IL18R1: variants seen among roughly 807,000 people sequenced by gnomAD.
IL18R1 encodes interleukin 18 receptor 1, also known as interleukin-18 receptor 1.
IL18R1 carries 40 observed loss-of-function variants against 48.5 expected under a neutral mutation model. That is an observed-to-expected ratio of 0.82 (90% CI 0.64 to 1.07). The LOEUF (loss-of-function observed/expected upper bound fraction) is 1.07. Among genes scored for constraint, IL18R1 ranks in the 50% least tolerant of loss-of-function variants. The pLI is 0.00. For synonymous variants in IL18R1, 232 were observed against 225.9 expected, an observed-to-expected ratio of 1.03 and a Z score of -0.24; for missense variants, 596 against 633.7, an observed-to-expected ratio of 0.94 and a Z score of 0.64.
chr2:102,360,163 T>A (rs553985034), intron 1 of IL18R1, among the ~76,000 whole-genome samples: 6 of 152,318 alleles, frequency 3.9e-5, no homozygotes, highest in Admixed American at 2.6e-4. Flanking sequence ...CATGAAGTAA[T>A]ATTAGGTGGC....
chr2:102,362,965 T>C (rs376264136), intron 2 of IL18R1: 5 of 309,618 alleles, frequency 1.6e-5, no homozygotes, highest in African/African-American at 4.3e-5. Context: ...ATCTTTATTA[T>C]TGGGTTTTAG....
At chr2:102,391,637 C>T (rs1357781416) in intron 9 of IL18R1, among the ~76,000 whole-genome samples, 1 of 152,172 alleles carries the variant, frequency 6.6e-6, no homozygotes, top group East Asian at 1.9e-4. Flanking sequence ...AAGAAGGAGA[C>T]ACAGCCATTA....
rs1454551888 is a variant in IL18R1, at chr2:102,356,219, T to C, written c.-210T>C. On this transcript the variant is annotated 5_prime_UTR_variant, in exon 1 of 11. Transcript: ENST00000233957. ...TTTCCTTCTTCTTCTTTTTTTTTTT[T>C]TTTGTAGCCCTCTCTGGGTGCCTTA... 1 of 306,476 alleles carries C rather than the reference T, an allele frequency of 3.3e-6. No homozygotes were observed. Among genetic ancestry groups the C allele is most frequent in the Non-Finnish European group, 4.8e-6 (1 of 209,272 alleles). The allele number at this position is 306,476 out of a possible 1,614,324, so 19.0% of individuals were successfully genotyped here. A position where few individuals can be genotyped will look rare whatever the true frequency, so the allele number is the denominator to read the frequency against.
intron 8 of IL18R1, among the ~76,000 whole-genome samples, chr2:102,388,630 A>G (rs907251474): frequency 4.6e-5 from 7 of 152,250 alleles, no homozygotes; most frequent in South Asian, 2.1e-4. Context: ...TGGCCAGTCA[A>G]TTCTCCTGCT....
At chr2:102,360,545 G>A (rs1230738834) in intron 1 of IL18R1, among the ~76,000 whole-genome samples, 1 of 152,186 alleles carries the variant, frequency 6.6e-6, no homozygotes, top group Admixed American at 6.5e-5. Context: ...TTACAGGCAT[G>A]AGCCACTGTG....
Position 102,396,644 on chromosome 2 carries a change from GA to G in IL18R1, c.1386del (p.Ala463HisfsTer9). ...VRYELESGLH[E>X]ALVERKIKII... Reference sequence around the variant, plus strand: ...GTATGAACTTGAAAGTGGACTCCATGAAGCATTGGTGGAAAGAAAAATTAAA... The same window carrying G: ...GTATGAACTTGAAAGTGGACTCCATGAGCATTGGTGGAAAGAAAAATTAAA... On this transcript the variant is annotated frameshift_variant, in exon 11 of 11. Transcript: ENST00000233957. LOFTEE classifies it low-confidence loss of function (END_TRUNC). The G allele has an allele frequency of 6.2e-7, 1 of 1,612,980 alleles. No homozygotes were observed.
At chr2:102,366,893 G>A (rs1310154127) in intron 2 of IL18R1, among the ~76,000 whole-genome samples, 1 of 152,122 alleles carries the variant, frequency 6.6e-6, no homozygotes. Flanking sequence ...TTTATGTTGT[G>A]GTTAACAATT....
At position 102,384,999 on chromosome 2, in the gene IL18R1, G is replaced by A; in HGVS notation, c.809+1G>A. 2.0e-6 allele frequency: 3 copies of A among 1,472,998 alleles called. No individual in the cohort carries two copies. The highest frequency in any genetic ancestry group is 1.7e-4 in the Middle Eastern group (1 of 5,842). 91.2% of individuals were successfully genotyped at this position (1,472,998 alleles called of 1,614,324 possible). On this transcript the variant is annotated splice_donor_variant, in intron 7 of 10. Transcript: ENST00000233957. LOFTEE classifies it high-confidence loss of function. The stretch of plus-strand genomic sequence containing the variant: ...ATGAAGAGAAAGAAATGAGAATTAT[G>A]TATGTATGTGTAATATATATGTCAT...
intron 6 of IL18R1, among the ~76,000 whole-genome samples, chr2:102,383,282 C>A (rs969625062): frequency 6.6e-6 from 1 of 152,120 alleles, no homozygotes; most frequent in Non-Finnish European, 1.5e-5. Flanking sequence ...TTTTATTATT[C>A]TTTAAATGTC....
In IL18R1 at chr2:102,369,076, C is replaced by A. The variant is rs146895135; in HGVS notation, c.302+1008C>A. 9.4e-3 allele frequency among the ~76,000 whole-genome samples: 1,434 copies of A among 152,088 alleles called. 16 individuals carry two copies. The highest frequency in any genetic ancestry group is 0.013 in the Non-Finnish European group (889 of 67,982). ...AAAAATCAGTACATCTTTAGATGAC[C>A]TTTTAAGAGTGATAATTACAGAAAT... On this transcript the variant is annotated intron_variant, in intron 3 of 10. Coordinates refer to ENST00000233957, the MANE Select transcript of IL18R1 (RefSeq NM_003855.5).
intron 5 of IL18R1, among the ~76,000 whole-genome samples, chr2:102,376,706 C>CCT: frequency 6.6e-6 from 1 of 152,076 alleles, no homozygotes; most frequent in African/African-American, 2.4e-5. Flanking sequence ...GGATGATGGA[C>CCT]CCAGGCTGTG....
At chr2:102,390,944 AAAAAAAG>A (rs1680533230) in intron 9 of IL18R1, among the ~76,000 whole-genome samples, 1 of 150,762 alleles carries the variant, frequency 6.6e-6, no homozygotes, top group Non-Finnish European at 1.5e-5. Context: ...CAAAAAAAAA[AAAAAAAG>A]AGAGAGAAAA....
Position 102,396,986 on chromosome 2 carries a change from T to G in IL18R1, c.*100T>G. 2 of 714,950 alleles carry G rather than the reference T, an allele frequency of 2.8e-6. No individual in the cohort carries two copies. Among genetic ancestry groups the G allele is most frequent in the South Asian group, 2.1e-5 (1 of 47,762 alleles). The allele number at this position is 714,950 out of a possible 1,614,324, so 44.3% of individuals were successfully genotyped here. A position where few individuals can be genotyped will look rare whatever the true frequency, so the allele number is the denominator to read the frequency against. ...AGGCTGTGACTCGAAATAATTAACT[T>G]TGTCAAAATCCTGCTCACAATTTGA... On this transcript the variant is annotated 3_prime_UTR_variant, in exon 11 of 11. Coordinates refer to ENST00000233957, the MANE Select transcript of IL18R1 (RefSeq NM_003855.5).
At chr2:102,391,423 T>G (rs1303623853) in intron 9 of IL18R1, among the ~76,000 whole-genome samples, 1 of 152,200 alleles carries the variant, frequency 6.6e-6, no homozygotes, top group Admixed American at 6.5e-5. Flanking sequence ...TATAAAGCAG[T>G]CCATCATTTT....
At position 102,373,930 on chromosome 2, in the gene IL18R1, C is replaced by T. The variant is rs1324495634; in HGVS notation, c.468+1812C>T. ...GATGATCTGTCACTGTCTCCCATCA[C>T]CCCCAGATAGGACCACCTATTTGCA... On this transcript the variant is annotated intron_variant, in intron 4 of 10. Transcript: ENST00000233957. The T allele has an allele frequency of 1.4e-5, 6 of 443,834 alleles. No homozygotes were observed. In the Admixed American group the frequency reaches 1.4e-4, roughly 11 times the overall value. 27.5% of individuals were successfully genotyped at this position (443,834 alleles called of 1,614,324 possible). A position where few individuals can be genotyped will look rare whatever the true frequency, so the allele number is the denominator to read the frequency against.
At position 102,375,909 on chromosome 2, in the gene IL18R1, C is replaced by T. The variant is rs376667430; in HGVS notation, c.471C>T (p.Asn157=). Residue 157 remains asparagine (N), a splice_region_variant and synonymous_variant, in exon 5 of 11, where the codon AAC becomes AAT. Transcript: ENST00000233957. The stretch of plus-strand genomic sequence containing the variant: ...TTAACTTGTTTTATTAAAAACAGAA[C>T]TGTAAAAAGCTACTACTGGAGAACA... ...TLVNSTSLYK[N]CKKLLLENNK... is the part of the protein sequence containing the mutation. The T allele has an allele frequency of 5.1e-6, 8 of 1,560,990 alleles. No homozygotes were observed. Among genetic ancestry groups the T allele is most frequent in the Non-Finnish European group, 6.0e-6 (7 of 1,160,666 alleles).
intron 7 of IL18R1, among the ~76,000 whole-genome samples, chr2:102,386,441 A>G (rs1159926228): frequency 6.6e-6 from 1 of 152,230 alleles, no homozygotes; most frequent in East Asian, 1.9e-4. Context: ...GTTGGATTCC[A>G]TGGACAAATG....
intron 9 of IL18R1, among the ~76,000 whole-genome samples, 157 bp from the exon 10 acceptor site, chr2:102,394,312 T>A (rs1680705927): frequency 6.6e-6 from 1 of 152,218 alleles, no homozygotes; most frequent in South Asian, 2.1e-4. Context: ...GGCTAATTGG[T>A]TGCTTGGTTA....
In IL18R1 at chr2:102,394,504, A is replaced by G; in HGVS notation, c.1147A>G (p.Lys383Glu). 1 of 1,613,404 alleles carries G rather than the reference A, an allele frequency of 6.2e-7. No individual in the cohort carries two copies. The highest frequency in any genetic ancestry group is 8.5e-7 in the Non-Finnish European group (1 of 1,179,486). Reference sequence around the variant, plus strand: ...ATATGATGCTTTTGTGTCTTACCTAAAAGAATGCCGACCTGAAAATGGAGA... The same window carrying G: ...ATATGATGCTTTTGTGTCTTACCTAGAAGAATGCCGACCTGAAAATGGAGA... ...KTYDAFVSYL[K>E]ECRPENGEEH... The change falls in exon 10 of 11, where the codon AAA becomes GAA. Residue 383 changes from lysine (K) to glutamate (E), a missense_variant. Physicochemically the swap from Lys to Glu is moderately conservative, Grantham distance 56. Transcript: ENST00000233957.
Sources: gnomAD v4.1 joint callset for allele counts (sites outside exome capture counted in the v4.1 genomes callset) on GRCh38, gnomAD v4.1.1 for gene constraint, MANE v1.5 for transcripts, NCBI Gene and HGNC (gene_info 2026-07-23, HGNC 2026-07-21) for gene names.